Variants in MTRF1 observed in about 807,000 individuals in gnomAD.
The protein encoded by MTRF1 is mitochondrial translation release factor 1, also known as peptide chain release factor 1, mitochondrial.
Under a neutral mutation model 62.9 loss-of-function variants are expected in MTRF1, and 51 were observed. The observed-to-expected ratio is 0.81, with a 90% confidence interval of 0.65 to 1.02. The LOEUF (loss-of-function observed/expected upper bound fraction) is 1.02. Among genes scored for constraint, MTRF1 ranks in the 50% least tolerant of loss-of-function variants. The probability of loss-of-function intolerance (pLI) is 0.00; values close to 1 mark genes in which losing one functional copy is unlikely to be tolerated. For synonymous variants in MTRF1, 158 were observed against 181.9 expected (o/e 0.87, Z 1.06); for missense variants, 446 against 530.0 (o/e 0.84, Z 1.56).
chr13:41,303,371 A>T, the MTRF1 span, among the ~76,000 whole-genome samples: 1 of 152,204 alleles, frequency 6.6e-6, no homozygotes, highest in African/African-American at 2.4e-5. Flanking sequence ...TAATGATGCT[A>T]TGGGAGCAAG....
At chr13:41,278,463 G>A in the MTRF1 span, among the ~76,000 whole-genome samples, 1 of 152,202 alleles carries the variant, frequency 6.6e-6, no homozygotes, top group Non-Finnish European at 1.5e-5. Context: ...CTATGTAAAC[G>A]GAGAGGATGA....
chr13:41,217,436 T>C (rs1447263292), intron 9 of MTRF1, among the ~76,000 whole-genome samples: 1 of 152,218 alleles, frequency 6.6e-6, no homozygotes, highest in African/African-American at 2.4e-5. Flanking sequence ...AAAATAAATC[T>C]TCTGAGATTT....
intron 3 of MTRF1, among the ~76,000 whole-genome samples, chr13:41,253,339 CG>C (rs1238911412): frequency 2.0e-5 from 3 of 152,140 alleles, no homozygotes; most frequent in Admixed American, 6.5e-5. Context: ...CAGATTTTGG[CG>C]CTTATAATTA....
At chr13:41,251,298 T>TTCCA (rs758325122) in intron 5 of MTRF1, among the ~76,000 whole-genome samples, 23 of 152,186 alleles carry the variant, frequency 1.5e-4, no homozygotes, top group Admixed American at 4.6e-4. Flanking sequence ...AATCTAGCCT[T>TTCCA]TCCATCCATC....
chr13:41,234,023 T>C lies in MTRF1; in HGVS notation c.871-16A>G. ...TCACATCCACCTAGAACAGAAGGCA[T>C]GGCATAATTCTACACTCCGTGAATA... On this transcript the variant is annotated splice_polypyrimidine_tract_variant and intron_variant, in intron 6 of 9. Transcript: ENST00000379480. 2 of 1,562,420 alleles carry C rather than the reference T, an allele frequency of 1.3e-6. No homozygotes were observed. Among genetic ancestry groups the C allele is most frequent in the Non-Finnish European group, 1.8e-6 (2 of 1,133,024 alleles).
At chr13:41,271,210 T>C in the MTRF1 span, among the ~76,000 whole-genome samples, 1 of 152,152 alleles carries the variant, frequency 6.6e-6, no homozygotes, top group South Asian at 2.1e-4. Context: ...TAACAGCAGA[T>C]TCAAAGCAGG....
the MTRF1 span, among the ~76,000 whole-genome samples, chr13:41,274,184 T>C: frequency 6.6e-6 from 1 of 152,314 alleles, no homozygotes; most frequent in Middle Eastern, 3.4e-3. Context: ...CTTCTCTATC[T>C]GGTGCTATGT....
At chr13:41,249,408 G>A (rs901676983) in intron 5 of MTRF1, among the ~76,000 whole-genome samples, 3 of 151,632 alleles carry the variant, frequency 2.0e-5, no homozygotes, top group African/African-American at 7.3e-5. Context: ...GGGCGTAGTG[G>A]CGGGTGCCTG....
chr13:41,245,278 C>T (rs1184085408), intron 5 of MTRF1, among the ~76,000 whole-genome samples: 5 of 150,824 alleles, frequency 3.3e-5, no homozygotes, highest in African/African-American at 1.2e-4. Flanking sequence ...TGGTCTCACT[C>T]TGTCCTCTAG....
At chr13:41,218,719 G>C (rs1434427214) in intron 9 of MTRF1, among the ~76,000 whole-genome samples, 1 of 152,100 alleles carries the variant, frequency 6.6e-6, no homozygotes, top group Non-Finnish European at 1.5e-5. Flanking sequence ...TTTAATGTTG[G>C]CATCTGGAAC....
the MTRF1 span, among the ~76,000 whole-genome samples, chr13:41,272,905 C>T: frequency 6.6e-6 from 1 of 151,990 alleles, no homozygotes; most frequent in Non-Finnish European, 1.5e-5. Context: ...TAGATCTTGA[C>T]CAAATTTTGG....
chr13:41,281,626 A>C, the MTRF1 span, among the ~76,000 whole-genome samples: 1 of 152,164 alleles, frequency 6.6e-6, no homozygotes, highest in Non-Finnish European at 1.5e-5. Context: ...TGAGAGGGTG[A>C]AAAAGAACGT....
chr13:41,255,319 C>A (rs1418371608), intron 2 of MTRF1, among the ~76,000 whole-genome samples: 2 of 152,086 alleles, frequency 1.3e-5, no homozygotes, highest in African/African-American at 4.8e-5. Context: ...TGGACTCAAG[C>A]GATCTTCCTG....
chr13:41,233,856 G>A (rs781779021), intron 7 of MTRF1, 34 bp downstream of exon 7: 2 of 1,502,996 alleles, frequency 1.3e-6, no homozygotes, highest in Non-Finnish European at 1.9e-6. Context: ...GATGGAAAAA[G>A]GGTTAAAAGT....
At chr13:41,296,344 G>T in the MTRF1 span, among the ~76,000 whole-genome samples, 2 of 152,174 alleles carry the variant, frequency 1.3e-5, no homozygotes, top group East Asian at 3.8e-4. Flanking sequence ...AAAGCACTGG[G>T]ATTGCTGTCC....
At chr13:41,258,759 G>A (rs979521284) in intron 2 of MTRF1, among the ~76,000 whole-genome samples, 12 of 151,788 alleles carry the variant, frequency 7.9e-5, no homozygotes. Context: ...CAAGCAACAA[G>A]AGAAAAAAAG....
intron 9 of MTRF1, among the ~76,000 whole-genome samples, chr13:41,218,811 G>A (rs2032515748): frequency 6.6e-6 from 1 of 152,086 alleles, no homozygotes; most frequent in Non-Finnish European, 1.5e-5. Flanking sequence ...TGAACTTTAG[G>A]AAGTGTACAC....
chr13:41,217,396 T>C (rs2032111269), intron 9 of MTRF1, among the ~76,000 whole-genome samples, 168 bp from the exon 10 acceptor site: 1 of 152,254 alleles, frequency 6.6e-6, no homozygotes, highest in African/African-American at 2.4e-5. Context: ...ATCCCCACTC[T>C]GTAGAAGAAT....
the MTRF1 span, among the ~76,000 whole-genome samples, chr13:41,281,873 A>C: frequency 6.6e-6 from 1 of 152,184 alleles, no homozygotes; most frequent in Non-Finnish European, 1.5e-5. Context: ...ACGGTGGCTC[A>C]TGCCTGTAAT....
Sources: gnomAD v4.1 joint callset for allele counts (sites outside exome capture counted in the v4.1 genomes callset) on GRCh38, gnomAD v4.1.1 for gene constraint, MANE v1.5 for transcripts, NCBI Gene and HGNC (gene_info 2026-07-23, HGNC 2026-07-21) for gene names.